The following KCND2 variants were observed in gnomAD, a reference collection of about 807,000 sequenced individuals.
KCND2 encodes the protein A-type voltage-gated potassium channel KCND2.
A neutral mutation model predicts 54.4 loss-of-function variants in KCND2; 16 were observed. That is an observed-to-expected ratio of 0.29 (90% CI 0.20 to 0.45). The LOEUF is 0.45. Among genes scored for constraint, KCND2 ranks in the 20% least tolerant of loss-of-function variants. The pLI, the probability that KCND2 is intolerant of heterozygous loss-of-function variation, is 1.00. For synonymous variants in KCND2, 317 were observed against 310.7 expected (o/e 1.02, Z -0.21); for missense variants, 486 against 824.2 (o/e 0.59, Z 5.02).
At chr7:120,719,596 A>G (rs375226317) in intron 1 of KCND2, among the ~76,000 whole-genome samples, 6 of 152,252 alleles carry the variant, frequency 3.9e-5, no homozygotes, top group African/African-American at 1.2e-4. Context: ...CTTTAAACAC[A>G]AGAATATTTT....
intron 1 of KCND2, among the ~76,000 whole-genome samples, chr7:120,335,495 A>G (rs1800136812): frequency 7.4e-6 from 1 of 135,710 alleles, no homozygotes; most frequent in Non-Finnish European, 1.6e-5. Flanking sequence ...TTATTTATTT[A>G]TTTATTTATT....
chr7:120,551,299 G>A (rs1313228399), intron 1 of KCND2, among the ~76,000 whole-genome samples: 1 of 152,132 alleles, frequency 6.6e-6, no homozygotes, highest in Non-Finnish European at 1.5e-5. Context: ...AGTTTCCTAA[G>A]AACCCCTCAT....
chr7:120,376,381 G>A (rs1336510185), intron 1 of KCND2, among the ~76,000 whole-genome samples: 1 of 151,332 alleles, frequency 6.6e-6, no homozygotes, highest in Non-Finnish European at 1.5e-5. Flanking sequence ...TTTGAATTAG[G>A]TGAATAAATT....
chr7:120,610,288 A>G (rs1792936561), intron 1 of KCND2, among the ~76,000 whole-genome samples: 1 of 152,152 alleles, frequency 6.6e-6, no homozygotes, highest in African/African-American at 2.4e-5. Flanking sequence ...GAAACATTTA[A>G]AATAAGAATT....
intron 1 of KCND2, among the ~76,000 whole-genome samples, chr7:120,677,047 G>A (rs1792069613): frequency 6.6e-6 from 1 of 152,186 alleles, no homozygotes; most frequent in Non-Finnish European, 1.5e-5. Flanking sequence ...AATCAAGCAA[G>A]TGTGTAATCA....
intron 1 of KCND2, among the ~76,000 whole-genome samples, chr7:120,331,537 T>C (rs1032869604): frequency 6.6e-6 from 1 of 152,038 alleles, no homozygotes; most frequent in Non-Finnish European, 1.5e-5. Context: ...AACTTGTGCA[T>C]GCATTATGTT....
At chr7:120,690,787 C>G (rs1434510968) in intron 1 of KCND2, among the ~76,000 whole-genome samples, 2 of 152,072 alleles carry the variant, frequency 1.3e-5, no homozygotes, top group African/African-American at 4.8e-5. Flanking sequence ...GAGACAAAAC[C>G]TTTGCCCTTA....
intron 1 of KCND2, among the ~76,000 whole-genome samples, chr7:120,606,188 G>A (rs1012765887): frequency 2.0e-5 from 3 of 152,008 alleles, no homozygotes; most frequent in African/African-American, 7.2e-5. Context: ...ATTCTCAAGT[G>A]GCAGTATGAA....
intron 1 of KCND2, among the ~76,000 whole-genome samples, chr7:120,568,445 A>C (rs1792324855): frequency 6.6e-6 from 1 of 152,144 alleles, no homozygotes; most frequent in East Asian, 1.9e-4. Context: ...AGGAAGGAGA[A>C]ATTAAGGGAT....
intron 1 of KCND2, among the ~76,000 whole-genome samples, chr7:120,687,386 A>G (rs4730975): frequency 0.077 from 11,734 of 152,238 alleles, 910 homozygotes; most frequent in East Asian, 0.43. Flanking sequence ...CGTATTGTAC[A>G]CTAAAAATTT....
chr7:120,326,365 A>T (rs1268699427), intron 1 of KCND2, among the ~76,000 whole-genome samples: 1 of 152,132 alleles, frequency 6.6e-6, no homozygotes, highest in Non-Finnish European at 1.5e-5. Context: ...GACAGCTGGT[A>T]AACAAACAGG....
intron 1 of KCND2, among the ~76,000 whole-genome samples, chr7:120,611,999 C>G (rs1792962296): frequency 6.6e-6 from 1 of 152,206 alleles, no homozygotes; most frequent in African/African-American, 2.4e-5. Context: ...GTTCTCCAAA[C>G]TCTGAAATGC....
chr7:120,629,205 G>T (rs973976094), intron 1 of KCND2, among the ~76,000 whole-genome samples: 1 of 152,098 alleles, frequency 6.6e-6, no homozygotes, highest in Non-Finnish European at 1.5e-5. Flanking sequence ...TAGAAAGAAG[G>T]GGCCGGGCAC....
chr7:120,508,891 A>ATTTTTT (rs57245091), intron 1 of KCND2, among the ~76,000 whole-genome samples: 18,443 of 137,968 alleles, frequency 0.13, 1,859 homozygotes, highest in East Asian at 0.48. Context: ...GCCTTTCACG[A>ATTTTTT]TTTTTTTTTT....
At chr7:120,628,470 C>T (rs1793188732) in intron 1 of KCND2, among the ~76,000 whole-genome samples, 1 of 151,532 alleles carries the variant, frequency 6.6e-6, no homozygotes, top group Non-Finnish European at 1.5e-5. Flanking sequence ...ACACTGCCAA[C>T]CAAATATAAC....
At chr7:120,612,412 G>A (rs769705426) in intron 1 of KCND2, among the ~76,000 whole-genome samples, 32 of 152,280 alleles carry the variant, frequency 2.1e-4, no homozygotes, top group Non-Finnish European at 3.1e-4. Context: ...ATTCAGCAGT[G>A]AAGGAAATAG....
intron 1 of KCND2, among the ~76,000 whole-genome samples, chr7:120,317,311 T>G (rs113483599): frequency 7.2e-4 from 109 of 152,304 alleles, no homozygotes; most frequent in African/African-American, 2.6e-3. Flanking sequence ...CTCTAACATA[T>G]GCATTAATTG....
At position 120,341,975 on chromosome 7, in the gene KCND2, T is replaced by C. The variant is rs73722576; in HGVS notation, c.1115+66228T>C. ...TAGTAACAATAGAAGTGGCCGTGTG[T>C]CAATGTGATCCCATCTCATGTGATT... On this transcript the variant is annotated intron_variant, in intron 1 of 5. Coordinates refer to ENST00000331113, the MANE Select transcript of KCND2 (RefSeq NM_012281.3). Among the ~76,000 whole-genome samples the C allele has an allele frequency of 5.1e-3, 776 of 152,212 alleles. 7 individuals are homozygous for C. The highest frequency in any genetic ancestry group is 0.017 in the African/African-American group (718 of 41,544).
chr7:120,303,764 A>G (rs1433509070), intron 1 of KCND2, among the ~76,000 whole-genome samples: 1 of 152,192 alleles, frequency 6.6e-6, no homozygotes, highest in African/African-American at 2.4e-5. Context: ...GAATGTGTAT[A>G]CATATCTTTC....
Sources: allele counts gnomAD v4.1 joint callset (sites outside exome capture counted in the v4.1 genomes callset), GRCh38; gene constraint gnomAD v4.1.1; transcripts MANE v1.5; gene names NCBI Gene and HGNC (gene_info 2026-07-23, HGNC 2026-07-21).